Variants in EXT1 observed in about 807,000 individuals in gnomAD.
EXT1 encodes the protein exostosin glycosyltransferase 1, also known as exostosin-1.
EXT1 carries 20 observed loss-of-function variants against 82.5 expected under a neutral mutation model. That is an observed-to-expected ratio of 0.24 (90% CI 0.17 to 0.35). The LOEUF is 0.35. EXT1 is among the 10% of genes least tolerant of loss of function. The pLI is 1.00. For missense variants in EXT1, 757 were observed against 936.5 expected, an observed-to-expected ratio of 0.81 and a Z score of 2.50; for synonymous variants, 348 against 350.8, an observed-to-expected ratio of 0.99 and a Z score of 0.09.
At chr8:118,087,634 T>C (rs1312420460) in intron 1 of EXT1, among the ~76,000 whole-genome samples, 1 of 152,214 alleles carries the variant, frequency 6.6e-6, no homozygotes, top group Non-Finnish European at 1.5e-5. Flanking sequence ...TTCAATCTAA[T>C]GTGTTTACAC....
rs1449112847 is a variant in EXT1, at chr8:118,045,610, C to T, written c.962+64475G>A. Among the ~76,000 whole-genome samples the T allele has an allele frequency of 2.0e-5, 3 of 152,238 alleles. 1 individual carries two copies. The South Asian group carries it at 6.2e-4, about 32-fold the overall frequency. On this transcript the variant is annotated intron_variant, in intron 1 of 10. Transcript: ENST00000378204. Reference sequence around the variant, plus strand: ...TTTTCCCTTTAACAATCAGCCTCTTCTATGTCATCCATCGTGAATGTTACC... The same window carrying T: ...TTTTCCCTTTAACAATCAGCCTCTTTTATGTCATCCATCGTGAATGTTACC...
Position 117,799,851 on chromosome 8 carries a change from CG to C in EXT1, c.2101del (p.Arg701AspfsTer5). 6.2e-7 allele frequency: 1 copy of C among 1,614,078 alleles called. No individual in the cohort carries two copies. The highest frequency in any genetic ancestry group is 1.3e-5 in the African/African-American group (1 of 75,000). ...RWADPDHFAQ[R>X]QSCMNTFASW... ...GGCAAACGTATTCATGCAGCTCTGT[CG>C]CTGGGCAAAGTGGTCAGGGTCAGCC... On this transcript the variant is annotated frameshift_variant, in exon 11 of 11. Coordinates refer to ENST00000378204, the MANE Select transcript of EXT1 (RefSeq NM_000127.3). LOFTEE classifies it high-confidence loss of function.
intron 1 of EXT1, among the ~76,000 whole-genome samples, chr8:118,064,458 T>C (rs1231070125): frequency 6.6e-6 from 1 of 152,198 alleles, no homozygotes; most frequent in Non-Finnish European, 1.5e-5. Context: ...GTTAGTTTGA[T>C]GAGAATGATG....
chr8:117,868,985 C>T (rs1812822947), intron 1 of EXT1, among the ~76,000 whole-genome samples: 1 of 152,122 alleles, frequency 6.6e-6, no homozygotes, highest in Non-Finnish European at 1.5e-5. Context: ...GCCTGGGGCC[C>T]CCAGGACCTC....
chr8:117,836,057 C>T (rs946023775), intron 2 of EXT1, among the ~76,000 whole-genome samples: 1 of 152,192 alleles, frequency 6.6e-6, no homozygotes, highest in Non-Finnish European at 1.5e-5. Flanking sequence ...GTTCACATTT[C>T]CCTTGCTCTG....
chr8:117,907,367 G>A (rs1294901759), intron 1 of EXT1, among the ~76,000 whole-genome samples: 2 of 152,160 alleles, frequency 1.3e-5, no homozygotes, highest in South Asian at 4.1e-4. Context: ...TCAGAGCCTT[G>A]CACAAAGGGT....
At chr8:117,944,588 C>A (rs1814350762) in intron 1 of EXT1, among the ~76,000 whole-genome samples, 1 of 152,150 alleles carries the variant, frequency 6.6e-6, no homozygotes, top group Non-Finnish European at 1.5e-5. Context: ...TATGACCGTA[C>A]TCTGCACAGA....
intron 1 of EXT1, among the ~76,000 whole-genome samples, chr8:117,906,609 A>G (rs749920456): frequency 3.9e-5 from 6 of 152,196 alleles, no homozygotes; most frequent in Admixed American, 6.5e-5. Flanking sequence ...AATGTTTCCT[A>G]CGAAATTCCT....
At chr8:117,937,671 C>T (rs1339123793) in intron 1 of EXT1, among the ~76,000 whole-genome samples, 4 of 152,202 alleles carry the variant, frequency 2.6e-5, no homozygotes, top group Non-Finnish European at 4.4e-5. Flanking sequence ...CTGTATGCAA[C>T]GCGTTCAGAG....
chr8:118,084,338 T>G (rs537866487), intron 1 of EXT1, among the ~76,000 whole-genome samples: 1 of 152,320 alleles, frequency 6.6e-6, no homozygotes, highest in South Asian at 2.1e-4. Flanking sequence ...AGTCGTGTCA[T>G]AGGAATTATC....
In EXT1 at chr8:117,807,358, A is replaced by G. The variant is rs765703551; in HGVS notation, c.1742T>C (p.Val581Ala). 1.9e-6 allele frequency: 3 copies of G among 1,614,220 alleles called. No homozygotes were observed. Among genetic ancestry groups the G allele is most frequent in the East Asian group, 4.5e-5 (2 of 44,876 alleles). The change falls in exon 9 of 11, where the codon GTG becomes GCG. Residue 581 changes from valine (V) to alanine (A), a missense_variant. Val to Ala is a moderately conservative substitution (Grantham distance 64). This residue lies in a region of EXT1 where 128 missense variants were observed against 223.2 expected (regional missense o/e 0.57). Coordinates refer to ENST00000378204, the MANE Select transcript of EXT1 (RefSeq NM_000127.3). ...AATCCTCTCAGGGAAGCTCTGCCAC[A>G]CTGTGAAGGCGAAATCCACCTGCAG... ...STTEVDFAFTVWQSFPERIVG... is the reference protein window; with the variant it reads ...STTEVDFAFTAWQSFPERIVG...
At chr8:117,834,539 A>G (rs1812153107) in intron 3 of EXT1, among the ~76,000 whole-genome samples, 2 of 152,180 alleles carry the variant, frequency 1.3e-5, no homozygotes. Context: ...TGGGAGGCAG[A>G]GGTTGCAGTG....
intron 1 of EXT1, among the ~76,000 whole-genome samples, chr8:118,069,381 G>A (rs1046478057): frequency 7.9e-5 from 12 of 152,108 alleles, no homozygotes; most frequent in Admixed American, 6.5e-4. Flanking sequence ...CCAGTACCCC[G>A]TCTATTCCTC....
intron 1 of EXT1, among the ~76,000 whole-genome samples, chr8:117,936,972 C>G (rs1312829547): frequency 6.6e-6 from 1 of 152,132 alleles, no homozygotes; most frequent in African/African-American, 2.4e-5. Context: ...TCTGATTAAC[C>G]CATTCAACAC....
At chr8:117,904,775 G>T (rs1813512472) in intron 1 of EXT1, among the ~76,000 whole-genome samples, 1 of 152,006 alleles carries the variant, frequency 6.6e-6, no homozygotes, top group African/African-American at 2.4e-5. Flanking sequence ...TGGAAAAAGT[G>T]GGGTGGTGGG....
intron 1 of EXT1, among the ~76,000 whole-genome samples, chr8:117,990,954 C>T (rs1166977644): frequency 6.6e-6 from 1 of 152,154 alleles, no homozygotes; most frequent in Non-Finnish European, 1.5e-5. Flanking sequence ...ACTAGACTTG[C>T]ACTCTTTCTA....
intron 1 of EXT1, among the ~76,000 whole-genome samples, chr8:117,947,366 C>T (rs185209148): frequency 1.3e-5 from 2 of 152,258 alleles, no homozygotes; most frequent in East Asian, 1.9e-4. Flanking sequence ...GAAAAATATA[C>T]ATCTGCATCC....
chr8:117,980,498 C>T (rs1815167506), intron 1 of EXT1, among the ~76,000 whole-genome samples: 1 of 152,196 alleles, frequency 6.6e-6, no homozygotes, highest in Non-Finnish European at 1.5e-5. Flanking sequence ...ATCTTCCTTA[C>T]AAACTACACT....
At chr8:117,855,486 A>G (rs1192619464) in intron 1 of EXT1, among the ~76,000 whole-genome samples, 2 of 152,214 alleles carry the variant, frequency 1.3e-5, no homozygotes, top group African/African-American at 4.8e-5. Flanking sequence ...AAACTCACCC[A>G]TATTAAGATG....
Sources: allele counts gnomAD v4.1 joint callset (sites outside exome capture counted in the v4.1 genomes callset), GRCh38; gene constraint gnomAD v4.1.1; regional missense constraint gnomAD v4.1.1; transcripts MANE v1.5; gene names NCBI Gene and HGNC (gene_info 2026-07-23, HGNC 2026-07-21).